The following ZFAT variants were observed in gnomAD, a reference collection of about 807,000 sequenced individuals.
The protein encoded by ZFAT is zinc finger and AT-hook domain containing, also known as zinc finger protein ZFAT.
In ZFAT, 64 loss-of-function variants were observed where a neutral mutation model predicts 117.7. That is an observed-to-expected ratio of 0.54 (90% CI 0.44 to 0.67). The LOEUF (loss-of-function observed/expected upper bound fraction) is 0.67. ZFAT is among the 30% of genes least tolerant of loss of function. The pLI is 0.00. For missense variants in ZFAT, 1,433 were observed against 1,584.5 expected, an observed-to-expected ratio of 0.90 and a Z score of 1.62; for synonymous variants, 679 against 615.0, an observed-to-expected ratio of 1.10 and a Z score of -1.54.
At chr8:134,586,475 T>C (rs1826077337) in intron 9 of ZFAT, among the ~76,000 whole-genome samples, 1 of 152,232 alleles carries the variant, frequency 6.6e-6, no homozygotes, top group Non-Finnish European at 1.5e-5. Context: ...GAGGGTGGGA[T>C]TTGAACCCAG....
chr8:134,806,566 C>A, the ZFAT span, among the ~76,000 whole-genome samples: 4 of 152,170 alleles, frequency 2.6e-5, no homozygotes, highest in African/African-American at 7.2e-5. Flanking sequence ...CATTAAGTTG[C>A]AATAAACCAG....
chr8:134,618,915 G>A (rs965576240), intron 3 of ZFAT, among the ~76,000 whole-genome samples: 2 of 152,152 alleles, frequency 1.3e-5, no homozygotes, highest in Non-Finnish European at 2.9e-5. Flanking sequence ...GAGTTTACAT[G>A]CTAGTGAGGA....
chr8:134,753,364 T>C, the ZFAT span, among the ~76,000 whole-genome samples: 2 of 152,164 alleles, frequency 1.3e-5, no homozygotes, highest in African/African-American at 4.8e-5. Flanking sequence ...GGAGGGGTCC[T>C]GTATTTACCA....
the ZFAT span, among the ~76,000 whole-genome samples, chr8:134,815,358 G>C: frequency 2.6e-5 from 4 of 152,142 alleles, no homozygotes; most frequent in African/African-American, 9.7e-5. Context: ...GACTTGCTGG[G>C]ATTTTTTTTA....
chr8:134,801,927 G>A, the ZFAT span, among the ~76,000 whole-genome samples: 1 of 152,190 alleles, frequency 6.6e-6, no homozygotes, highest in Non-Finnish European at 1.5e-5. Flanking sequence ...CTTGGGAACT[G>A]TGGGGGGAAA....
intron 10 of ZFAT, among the ~76,000 whole-genome samples, chr8:134,574,036 A>G (rs7003440): frequency 0.2 from 29,728 of 152,250 alleles, 3,085 homozygotes; most frequent in Middle Eastern, 0.24. Context: ...AGAAACAGGA[A>G]TACTTGTTAT....
intron 10 of ZFAT, among the ~76,000 whole-genome samples, chr8:134,572,189 G>A (rs114498358): frequency 0.011 from 1,692 of 152,236 alleles, 25 homozygotes; most frequent in African/African-American, 0.038. Context: ...TAATTTCAAG[G>A]CTGTAAGAAT....
chr8:134,499,648 G>C (rs1413310323), intron 15 of ZFAT, among the ~76,000 whole-genome samples: 1 of 152,214 alleles, frequency 6.6e-6, no homozygotes, highest in East Asian at 1.9e-4. Context: ...CCCCGTTGCT[G>C]GTTACACACA....
At chr8:134,526,858 T>G (rs1218507926) in intron 12 of ZFAT, among the ~76,000 whole-genome samples, 1 of 151,956 alleles carries the variant, frequency 6.6e-6, no homozygotes, top group Non-Finnish European at 1.5e-5. Flanking sequence ...TTATTTTTTT[T>G]TGAGATGAGC....
At chr8:134,597,628 C>A (rs1314436560) in intron 7 of ZFAT, 1 of 152,174 alleles carries the variant, frequency 6.6e-6, no homozygotes, top group Non-Finnish European at 1.5e-5. Context: ...TTAGCTCCCC[C>A]TTCACAAAAC....
intron 15 of ZFAT, among the ~76,000 whole-genome samples, chr8:134,495,223 G>C (rs978123126): frequency 6.6e-6 from 1 of 152,174 alleles, no homozygotes; most frequent in Admixed American, 6.5e-5. Flanking sequence ...AGAAGTCTGA[G>C]ATCAGGGAGC....
the ZFAT span, among the ~76,000 whole-genome samples, chr8:134,783,261 C>T: frequency 3.5e-4 from 53 of 152,198 alleles, no homozygotes; most frequent in African/African-American, 1.3e-3. Context: ...TCCCCTGGGC[C>T]GAGGACCAGT....
intron 12 of ZFAT, among the ~76,000 whole-genome samples, chr8:134,530,524 T>C (rs1375252578): frequency 6.6e-6 from 1 of 152,188 alleles, no homozygotes; most frequent in Non-Finnish European, 1.5e-5. Flanking sequence ...TCAGAGACTG[T>C]TCTCCTGCCA....
chr8:134,615,953 A>G (rs1224472757), intron 3 of ZFAT, among the ~76,000 whole-genome samples: 1 of 152,334 alleles, frequency 6.6e-6, no homozygotes, highest in African/African-American at 2.4e-5. Context: ...AAGAACACGC[A>G]TGCTCGCTCA....
the ZFAT span, among the ~76,000 whole-genome samples, chr8:134,782,775 TTAAACCTCTTTTTCTTTA>T: frequency 3.3e-5 from 5 of 151,628 alleles, no homozygotes; most frequent in Non-Finnish European, 4.4e-5. Flanking sequence ...TATGAGTCCA[TTAAACCTCTTTTTCTTTA>T]TAAATTACCC....
chr8:134,601,565 G>A lies in ZFAT; in HGVS notation c.2154C>T (p.Val718=), dbSNP rs1489329759. 4.3e-6 allele frequency: 7 copies of A among 1,614,182 alleles called. No individual in the cohort carries two copies. In the East Asian group the frequency reaches 1.3e-4, roughly 31 times the overall value. ...HRSGITAFMK[V]LNSLQKKQMN... is the part of the protein sequence containing the mutation. ...TTTGCTTCTTCTGTAAACTGTTCAG[G>A]ACCTTCATGAAAGCGGTGATGCCTG... is the stretch of plus-strand genomic sequence containing the variant. The change falls in exon 6 of 16, where the codon GTC becomes GTT. Residue 718 remains valine (V), a synonymous_variant. Transcript: ENST00000377838.
intron 1 of ZFAT, among the ~76,000 whole-genome samples, chr8:134,694,183 C>T (rs941329956): frequency 7.9e-5 from 12 of 152,144 alleles, no homozygotes; most frequent in African/African-American, 2.9e-4. Context: ...AAAAAAGACG[C>T]TGGAATGAGG....
chr8:134,484,250 A>C (rs1251571107), intron 15 of ZFAT, among the ~76,000 whole-genome samples: 1 of 152,228 alleles, frequency 6.6e-6, no homozygotes, highest in Non-Finnish European at 1.5e-5. Context: ...TGCCCAGTCC[A>C]GTGCCACGCT....
chr8:134,565,052 T>C (rs1824334487), intron 11 of ZFAT: 1 of 1,402,222 alleles, frequency 7.1e-7, no homozygotes, highest in African/African-American at 1.4e-5. Context: ...TTCCTCTAAA[T>C]CACTCCAGTG....
Sources: allele counts gnomAD v4.1 joint callset (sites outside exome capture counted in the v4.1 genomes callset), GRCh38; gene constraint gnomAD v4.1.1; transcripts MANE v1.5; gene names NCBI Gene and HGNC (gene_info 2026-07-23, HGNC 2026-07-21).